Variants in DLGAP5 observed in about 807,000 individuals in gnomAD.
DLGAP5 encodes the protein disks large-associated protein 5.
In DLGAP5, 90 loss-of-function variants were observed where a neutral mutation model predicts 99.6. The observed-to-expected ratio is 0.90, with a 90% CI of 0.76 to 1.08. DLGAP5 has a LOEUF of 1.08. Ranked by LOEUF, DLGAP5 falls within the 50% of genes least tolerant of loss-of-function variation. The probability of loss-of-function intolerance (pLI) is 0.00; values close to 1 mark genes in which losing one functional copy is unlikely to be tolerated. For missense variants in DLGAP5, 1,036 were observed against 983.5 expected, an observed-to-expected ratio of 1.05 and a Z score of -0.71; for synonymous variants, 311 against 321.3, an observed-to-expected ratio of 0.97 and a Z score of 0.34.
intron 12 of DLGAP5, among the ~76,000 whole-genome samples, chr14:55,167,804 G>T (rs1015212776): frequency 2.0e-5 from 3 of 152,164 alleles, no homozygotes; most frequent in African/African-American, 7.2e-5. Context: ...TAATATTGCT[G>T]TTGAGAGATC....
intron 15 of DLGAP5, 46 bp from the exon 16 acceptor site, chr14:55,152,693 T>C (rs1882061149): frequency 6.9e-7 from 1 of 1,459,480 alleles, no homozygotes; most frequent in African/African-American, 1.4e-5. Flanking sequence ...CATATTGTTA[T>C]TGTTTCACTT....
chr14:55,151,831 T>G lies in DLGAP5; in HGVS notation c.2232A>C (p.Gly744=). ...ADDINTNKKE[G]ISDVVEGMEL... ...CCATTCCTTCCACAACATCTGAAAT[T>G]CCTTCTTTTTTGTTAGTATTAATAT... The change falls in exon 17 of 19, where the codon GGA becomes GGC. Residue 744 remains glycine, a synonymous_variant. Transcript: ENST00000247191. The G allele has an allele frequency of 6.2e-7, 1 of 1,614,020 alleles. No individual in the cohort carries two copies. The highest frequency in any genetic ancestry group is 8.5e-7 in the Non-Finnish European group (1 of 1,179,958).
Position 55,148,347 on chromosome 14 carries a change from A to T in DLGAP5, c.*4T>A. On this transcript the variant is annotated 3_prime_UTR_variant, in exon 19 of 19. Coordinates refer to ENST00000247191, the MANE Select transcript of DLGAP5 (RefSeq NM_014750.5). ...AAGGAAAATGTTTGGATTTATTTTT[A>T]AATTCAAAATTCTCCTGGTTGTAGA... 1 of 1,612,582 alleles carries T rather than the reference A, an allele frequency of 6.2e-7. No homozygotes were observed. Among genetic ancestry groups the T allele is most frequent in the Non-Finnish European group, 8.5e-7 (1 of 1,179,348 alleles).
intron 5 of DLGAP5, 126 bp from the exon 6 acceptor site, chr14:55,180,904 C>A: frequency 8.0e-7 from 1 of 1,256,506 alleles, no homozygotes; most frequent in Non-Finnish European, 1.1e-6. Context: ...ATTACTTCAG[C>A]CCAGGAGTTC....
chr14:55,169,456 A>G lies in DLGAP5; in HGVS notation c.1491T>C (p.Gly497=), dbSNP rs369672669. Residue 497 remains glycine (G), a synonymous_variant, in exon 12 of 19, where the codon GGT becomes GGC. Transcript: ENST00000247191. ...GLVDDCEYKR[G]IKETTCTDLD... is the part of the protein sequence containing the mutation. The stretch of plus-strand genomic sequence containing the variant: ...GATCTGTACAGGTAGTCTCCTTTAT[A>G]CCTCGTTTATATTCACAATCATCAA... 3.1e-6 allele frequency: 5 copies of G among 1,612,760 alleles called. No individual in the cohort carries two copies. In the African/African-American group the frequency reaches 6.7e-5, roughly 22 times the overall value.
intron 14 of DLGAP5, among the ~76,000 whole-genome samples, chr14:55,155,916 G>A (rs190537722): frequency 7.9e-5 from 12 of 151,348 alleles, no homozygotes; most frequent in Admixed American, 3.3e-4. Context: ...GTAAAACCCC[G>A]TCTCTACTAA....
chr14:55,154,892 T>C (rs1304851151), intron 14 of DLGAP5, 86 bp from the exon 15 acceptor site: 5 of 1,184,350 alleles, frequency 4.2e-6, no homozygotes, highest in African/African-American at 1.5e-5. Flanking sequence ...TCCTATCAAT[T>C]AGCCTCTTTC....
At chr14:55,185,579 T>C (rs2139534561) in intron 2 of DLGAP5, among the ~76,000 whole-genome samples, 1 of 152,028 alleles carries the variant, frequency 6.6e-6, no homozygotes, top group African/African-American at 2.4e-5. Flanking sequence ...CTCCACCTCC[T>C]GAGTTCAAGC....
rs539387465 is a variant in DLGAP5 at position 55,148,269 on chromosome 14, C to T, written c.*82G>A. 44 of 1,400,906 alleles carry T rather than the reference C, an allele frequency of 3.1e-5. No individual in the cohort carries two copies. In the African/African-American group the frequency reaches 5.5e-4, roughly 18 times the overall value. The allele number at this position is 1,400,906 out of a possible 1,614,324, so 86.8% of individuals were successfully genotyped here. A position where few individuals can be genotyped will look rare whatever the true frequency, so the allele number is the denominator to read the frequency against. ...TATGCTATAGAAGTGAACACAAATACATTTTCTCCAAAATTTCAATAGTCT... is the reference window on the plus strand; with the variant it reads ...TATGCTATAGAAGTGAACACAAATATATTTTCTCCAAAATTTCAATAGTCT... On this transcript the variant is annotated 3_prime_UTR_variant, in exon 19 of 19. Transcript: ENST00000247191.
chr14:55,188,999 C>G lies in DLGAP5; in HGVS notation c.181G>C (p.Val61Leu). Residue 61 changes from valine to leucine, a missense_variant, in exon 2 of 19, where the codon GTT becomes CTT. Coordinates refer to ENST00000247191, the MANE Select transcript of DLGAP5 (RefSeq NM_014750.5). ...NIPTLEGRIL[V>L]ELDETSQGLV... ...CCTTGAGATGTCTCATCTAATTCAA[C>G]AAGAATTCTACCTTCCAAGGTTGGA... 13 of 1,613,912 alleles carry G rather than the reference C, an allele frequency of 8.1e-6. No homozygotes were observed. Among genetic ancestry groups the G allele is most frequent in the Non-Finnish European group, 1.1e-5 (13 of 1,179,954 alleles).
intron 9 of DLGAP5, 58 bp from the exon 10 acceptor site, chr14:55,175,530 A>G: frequency 5.9e-6 from 6 of 1,019,274 alleles, no homozygotes; most frequent in Admixed American, 3.1e-5. Flanking sequence ...CTAAAATGAC[A>G]GCCCCTAAAA....
At chr14:55,188,766 G>T (rs1883507543) in intron 2 of DLGAP5, among the ~76,000 whole-genome samples, 176 bp downstream of exon 2, 2 of 127,594 alleles carry the variant, frequency 1.6e-5, no homozygotes, top group Non-Finnish European at 3.2e-5. Flanking sequence ...GTGAGACCCT[G>T]TCTCTTGTAA....
At chr14:55,162,844 TCTAAAC>T in intron 13 of DLGAP5, 121 bp downstream of exon 13, 1 of 474,310 alleles carries the variant, frequency 2.1e-6, no homozygotes, top group East Asian at 3.3e-5. Context: ...TAATGAGAAA[TCTAAAC>T]CTAAATGTTT....
intron 12 of DLGAP5, among the ~76,000 whole-genome samples, chr14:55,166,275 GC>G (rs1882638206): frequency 6.6e-6 from 1 of 152,156 alleles, no homozygotes; most frequent in Non-Finnish European, 1.5e-5. Context: ...AGTGAAAGAA[GC>G]CAGATGCAAA....
rs1262305614 is a variant in DLGAP5 at position 55,158,725 on chromosome 14, C to G, written c.1670G>C (p.Gly557Ala). The change falls in exon 14 of 19, where the codon GGT becomes GCT. Residue 557 changes from glycine to alanine, a missense_variant. By Grantham distance (60) the Gly-to-Ala change is moderately conservative. Transcript: ENST00000247191. Reference protein sequence around the residue: ...KNVFRKKVVSGIASKPKQDDA... With the variant: ...KNVFRKKVVSAIASKPKQDDA... ...ATCCTGTTTTGGTTTACTTGCTATA[C>G]CTGAGACAACTTTTTTCTGCAAAGA... is the stretch of plus-strand genomic sequence containing the variant. 3.7e-6 allele frequency: 6 copies of G among 1,613,166 alleles called. No individual in the cohort carries two copies. In the Admixed American group the frequency reaches 8.3e-5, roughly 22 times the overall value.
At chr14:55,176,922 G>A in intron 8 of DLGAP5, 140 bp downstream of exon 8, 1 of 618,856 alleles carries the variant, frequency 1.6e-6, no homozygotes, top group Non-Finnish European at 2.3e-6. Context: ...AGCTTACAGT[G>A]AGGGGAGATC....
intron 3 of DLGAP5, among the ~76,000 whole-genome samples, chr14:55,183,335 T>G (rs557868262): frequency 6.6e-6 from 1 of 152,308 alleles, no homozygotes; most frequent in African/African-American, 2.4e-5. Context: ...TGCATAACAT[T>G]GTTCAGCCTG....
rs771396995 is a variant in DLGAP5, at chr14:55,179,695, G to T, written c.708C>A (p.Asn236Lys). The T allele has an allele frequency of 1.2e-6, 2 of 1,605,870 alleles. No homozygotes were observed. Among genetic ancestry groups the T allele is most frequent in the Non-Finnish European group, 1.7e-6 (2 of 1,176,762 alleles). The change falls in exon 7 of 19, where the codon AAC becomes AAA. Residue 236 changes from asparagine to lysine, a missense_variant. Coordinates refer to ENST00000247191, the MANE Select transcript of DLGAP5 (RefSeq NM_014750.5). ...TACTTGGCACCTTTCCTTCTGGTTC[G>T]TTTTCTAAAACAACAATAAAATATT... Reference protein sequence around the residue: ...RKPVTRAANENEPEGKVPSKG... With the variant: ...RKPVTRAANEKEPEGKVPSKG...
intron 8 of DLGAP5, 103 bp downstream of exon 8, chr14:55,176,959 C>G: frequency 1.0e-6 from 1 of 990,796 alleles, no homozygotes; most frequent in Non-Finnish European, 1.3e-6. Flanking sequence ...GCCTGGGCGA[C>G]AGAGCGAACT....
Sources: gnomAD v4.1 joint callset for allele counts (sites outside exome capture counted in the v4.1 genomes callset) on GRCh38, gnomAD v4.1.1 for gene constraint, MANE v1.5 for transcripts, NCBI Gene and HGNC (gene_info 2026-07-23, HGNC 2026-07-21) for gene names.